The following FBXL17 variants were observed in gnomAD, a reference collection of about 807,000 sequenced individuals.
The protein encoded by FBXL17 is F-box/LRR-repeat protein 17.
A neutral mutation model predicts 66.2 loss-of-function variants in FBXL17; 22 were observed. The ratio of observed to expected loss-of-function variants is 0.33; its 90% CI spans 0.24 to 0.47. FBXL17 has a LOEUF of 0.47. Among genes scored for constraint, FBXL17 ranks in the 20% least tolerant of loss-of-function variants. The pLI, the probability that FBXL17 is intolerant of heterozygous loss-of-function variation, is 1.00. For synonymous variants in FBXL17, 474 were observed against 400.5 expected (o/e 1.18, Z -2.19); for missense variants, 878 against 948.2 (o/e 0.93, Z 0.97).
intron 4 of FBXL17, among the ~76,000 whole-genome samples, chr5:108,345,974 G>A (rs1385371497): frequency 6.6e-6 from 1 of 152,058 alleles, no homozygotes; most frequent in Admixed American, 6.6e-5. Context: ...ATTTGTCAAA[G>A]CATAGTTGAA....
At position 107,875,459 on chromosome 5, in the gene FBXL17, A is replaced by G. The variant is rs569913301; in HGVS notation, c.1965+5578T>C. ...GTTGAGGCTTTCTCTTACCATAATT[A>G]CTTCCTGAAATATGCAGTGGTCAAT... On this transcript the variant is annotated intron_variant, in intron 8 of 8. Coordinates refer to ENST00000542267, the MANE Select transcript of FBXL17 (RefSeq NM_001163315.3). 2.0e-5 allele frequency among the ~76,000 whole-genome samples: 3 copies of G among 152,302 alleles called. No homozygotes were observed. The South Asian group carries it at 6.2e-4, about 32-fold the overall frequency.
chr5:108,239,266 T>C (rs1755746080), intron 4 of FBXL17, among the ~76,000 whole-genome samples: 1 of 152,272 alleles, frequency 6.6e-6, no homozygotes, highest in African/African-American at 2.4e-5. Flanking sequence ...GATCACAGTA[T>C]CTGGTTTTAA....
At chr5:108,107,411 C>T (rs541328958) in intron 6 of FBXL17, among the ~76,000 whole-genome samples, 4 of 152,156 alleles carry the variant, frequency 2.6e-5, no homozygotes, top group Non-Finnish European at 4.4e-5. Flanking sequence ...GATGAAATAA[C>T]GACACAAATG....
intron 7 of FBXL17, among the ~76,000 whole-genome samples, chr5:108,011,263 T>C (rs955485028): frequency 2.6e-5 from 4 of 152,214 alleles, no homozygotes; most frequent in African/African-American, 9.6e-5. Context: ...CAAAATTATC[T>C]TGAAGAGCAG....
intron 7 of FBXL17, among the ~76,000 whole-genome samples, chr5:107,909,273 G>C (rs1749869634): frequency 6.6e-6 from 1 of 152,156 alleles, no homozygotes; most frequent in Non-Finnish European, 1.5e-5. Flanking sequence ...TCCATGGAAA[G>C]AGCCACAATT....
chr5:108,330,186 A>G (rs1480873007), intron 4 of FBXL17, among the ~76,000 whole-genome samples: 3 of 152,298 alleles, frequency 2.0e-5, no homozygotes, highest in African/African-American at 7.2e-5. Flanking sequence ...AGCTTTCAAT[A>G]TAGTTTTCTA....
intron 6 of FBXL17, among the ~76,000 whole-genome samples, chr5:108,024,367 G>A (rs1754713568): frequency 6.6e-6 from 1 of 152,116 alleles, no homozygotes; most frequent in Admixed American, 6.6e-5. Context: ...CTTAACAAGA[G>A]AGAATAAAAG....
At chr5:108,349,358 G>A (rs1046140312) in intron 3 of FBXL17, among the ~76,000 whole-genome samples, 5 of 151,952 alleles carry the variant, frequency 3.3e-5, no homozygotes, top group Admixed American at 2.6e-4. Context: ...TCTGATTAGC[G>A]CATGAGTGAG....
At chr5:107,967,499 G>T (rs1425297564) in intron 7 of FBXL17, among the ~76,000 whole-genome samples, 2 of 137,748 alleles carry the variant, frequency 1.5e-5, no homozygotes, top group African/African-American at 5.4e-5. Context: ...CTTGGATACA[G>T]GAAGGGGAAC....
intron 5 of FBXL17, among the ~76,000 whole-genome samples, chr5:108,218,630 G>C (rs1754714007): frequency 6.6e-6 from 1 of 152,058 alleles, no homozygotes; most frequent in Non-Finnish European, 1.5e-5. Flanking sequence ...TCTAACAAGT[G>C]TAAGGTGATA....
intron 6 of FBXL17, among the ~76,000 whole-genome samples, chr5:108,104,426 A>C (rs1027997866): frequency 1.3e-5 from 2 of 152,222 alleles, no homozygotes; most frequent in African/African-American, 4.8e-5. Context: ...AAAGAAGTCA[A>C]TCCTCTAAGA....
chr5:108,053,211 T>A (rs867631431), intron 6 of FBXL17, among the ~76,000 whole-genome samples: 3 of 151,922 alleles, frequency 2.0e-5, no homozygotes, highest in Non-Finnish European at 4.4e-5. Context: ...CTAATTAAAC[T>A]AAAGAGTATC....
chr5:107,985,044 T>A (rs13182107), intron 7 of FBXL17, among the ~76,000 whole-genome samples: 34,300 of 152,092 alleles, frequency 0.23, 4,285 homozygotes, highest in Non-Finnish European at 0.28. Flanking sequence ...TTCATGGAAG[T>A]TTGAAAATGT....
At chr5:108,174,003 T>C (rs1253782135) in intron 6 of FBXL17, among the ~76,000 whole-genome samples, 1 of 152,212 alleles carries the variant, frequency 6.6e-6, no homozygotes, top group Non-Finnish European at 1.5e-5. Flanking sequence ...ATCCTGATTA[T>C]GTTATGAGAA....
At chr5:108,208,631 T>C (rs911626611) in intron 5 of FBXL17, among the ~76,000 whole-genome samples, 1 of 152,066 alleles carries the variant, frequency 6.6e-6, no homozygotes, top group Non-Finnish European at 1.5e-5. Flanking sequence ...AGATACGTGG[T>C]GTTATTTCTT....
At chr5:108,327,553 GA>G (rs1759916558) in intron 4 of FBXL17, among the ~76,000 whole-genome samples, 1 of 152,118 alleles carries the variant, frequency 6.6e-6, no homozygotes, top group African/African-American at 2.4e-5. Context: ...GAATGGACTG[GA>G]ACACCCACTG....
At chr5:107,998,497 C>T (rs1171239635) in intron 7 of FBXL17, among the ~76,000 whole-genome samples, 1 of 151,790 alleles carries the variant, frequency 6.6e-6, no homozygotes, top group Non-Finnish European at 1.5e-5. Context: ...ATATTTTGGC[C>T]ATTAAGTTTA....
chr5:108,345,787 G>GA (rs771810786), intron 4 of FBXL17, among the ~76,000 whole-genome samples: 73 of 152,020 alleles, frequency 4.8e-4, no homozygotes, highest in Non-Finnish European at 8.1e-4. Flanking sequence ...GATATAATAT[G>GA]AAAAGATGTA....
chr5:108,068,596 C>T (rs2112858207), intron 6 of FBXL17, among the ~76,000 whole-genome samples: 1 of 152,194 alleles, frequency 6.6e-6, no homozygotes, highest in South Asian at 2.1e-4. Context: ...GCTGGGGCTA[C>T]AGGCGCGTGC....
Sources: gnomAD v4.1 joint callset for allele counts (sites outside exome capture counted in the v4.1 genomes callset) on GRCh38, gnomAD v4.1.1 for gene constraint, MANE v1.5 for transcripts, NCBI Gene and HGNC (gene_info 2026-07-23, HGNC 2026-07-21) for gene names.